BAMBI: variants seen among roughly 807,000 people sequenced by gnomAD.
BAMBI encodes the protein BMP and activin membrane-bound inhibitor homolog.
In BAMBI, 21 loss-of-function variants were observed where a neutral mutation model predicts 24.1. The ratio of observed to expected loss-of-function variants is 0.87; its 90% CI spans 0.62 to 1.26. BAMBI has a LOEUF of 1.26. BAMBI is among the 50% of genes most tolerant of loss of function. The pLI is 0.00. For missense variants in BAMBI, 388 were observed against 329.1 expected (o/e 1.18, Z -1.38); for synonymous variants, 156 against 123.1 (o/e 1.27, Z -1.77).
intron 1 of BAMBI, among the ~76,000 whole-genome samples, chr10:28,678,771 G>A (rs1281492681): frequency 6.6e-6 from 1 of 150,736 alleles, no homozygotes; most frequent in Non-Finnish European, 1.5e-5. Context: ...GGAGGAGTAG[G>A]CTCTGTCAGC....
Position 28,682,083 on chromosome 10 carries a change from T to G in BAMBI, c.465T>G (p.Ile155Met), listed in dbSNP as rs1204543192. Residue 155 changes from isoleucine (I) to methionine (M), a missense_variant, in exon 3 of 3, where the codon ATT (isoleucine) becomes ATG (methionine). Physicochemically the swap from Ile to Met is conservative, Grantham distance 10 (BLOSUM62 1). Coordinates refer to ENST00000375533, the MANE Select transcript of BAMBI (RefSeq NM_012342.3). ...SKELWFRAAV[I>M]AVPIAGGLIL... Reference sequence around the variant, plus strand: ...AGTTGTGGTTCCGGGCAGCGGTCATTGCCGTGCCCATTGCTGGAGGGCTGA... The same window carrying G: ...AGTTGTGGTTCCGGGCAGCGGTCATGGCCGTGCCCATTGCTGGAGGGCTGA... 3 of 1,614,010 alleles carry G rather than the reference T, an allele frequency of 1.9e-6. No homozygotes were observed. Among genetic ancestry groups the G allele is most frequent in the South Asian group, 1.1e-5 (1 of 91,080 alleles).
intron 1 of BAMBI, 82 bp downstream of exon 1, chr10:28,678,055 G>C (rs1180230835): frequency 1.6e-6 from 2 of 1,269,950 alleles, no homozygotes; most frequent in Non-Finnish European, 2.1e-6. Flanking sequence ...TTTGTTAGCG[G>C]CAGGCGAGGC....
At chr10:28,681,595 G>A (rs1475237284) in intron 2 of BAMBI, 50 bp downstream of exon 2, 1 of 1,578,938 alleles carries the variant, frequency 6.3e-7, no homozygotes, top group South Asian at 1.1e-5. Context: ...CTATAGACTT[G>A]TGACAGCCAC....
Position 28,677,635 on chromosome 10 carries a change from C to A in BAMBI, c.-263C>A. On this transcript the variant is annotated 5_prime_UTR_variant, in exon 1 of 3. Transcript: ENST00000375533. ...GAAGGCCGGGAGCCCACTCCCGACCCGGGGCTAGCGTGCGTCCCTAGAGTC... is the reference window on the plus strand; with the variant it reads ...GAAGGCCGGGAGCCCACTCCCGACCAGGGGCTAGCGTGCGTCCCTAGAGTC... 4.2e-6 allele frequency: 1 copy of A among 236,756 alleles called. No homozygotes were observed. 14.7% of individuals were successfully genotyped at this position (236,756 alleles called of 1,614,324 possible). A position where few individuals can be genotyped will look rare whatever the true frequency, so the allele number is the denominator to read the frequency against.
In BAMBI at chr10:28,682,271, C is replaced by CGGTCAGTGGG; in HGVS notation, c.654_663dup (p.His222GlyfsTer12). The CGGTCAGTGGG allele has an allele frequency of 6.2e-7, 1 of 1,614,080 alleles. No homozygotes were observed. Among genetic ancestry groups the CGGTCAGTGGG allele is most frequent in the Non-Finnish European group, 8.5e-7 (1 of 1,180,034 alleles). Reference sequence around the variant, plus strand: ...AAGTTAGACTTGGAATGCATGGTGCCGGTCAGTGGGCACGAGAACTGCTGT... The same window carrying CGGTCAGTGGG: ...AAGTTAGACTTGGAATGCATGGTGCCGGTCAGTGGGGGTCAGTGGGCACGAGAACTGCTGT... On this transcript the variant is annotated frameshift_variant, in exon 3 of 3. Coordinates refer to ENST00000375533, the MANE Select transcript of BAMBI (RefSeq NM_012342.3). LOFTEE classifies it high-confidence loss of function.
chr10:28,682,323 A>G lies in BAMBI; in HGVS notation c.705A>G (p.Ala235=), dbSNP rs752372665. Residue 235 remains alanine, a synonymous_variant, in exon 3 of 3, where the codon GCA becomes GCG. Transcript: ENST00000375533. ...CCLTCDKMRQ[A]DLSNDKILSL... Reference sequence around the variant, plus strand: ...TGACCTGTGATAAAATGAGACAAGCAGACCTCAGCAACGATAAGATCCTCT... The same window carrying G: ...TGACCTGTGATAAAATGAGACAAGCGGACCTCAGCAACGATAAGATCCTCT... The G allele has an allele frequency of 1.2e-6, 2 of 1,614,058 alleles. No individual in the cohort carries two copies. The highest frequency in any genetic ancestry group is 8.5e-7 in the Non-Finnish European group (1 of 1,180,010).
At chr10:28,679,853 A>C (rs753016819) in intron 1 of BAMBI, among the ~76,000 whole-genome samples, 2 of 151,228 alleles carry the variant, frequency 1.3e-5, no homozygotes, top group African/African-American at 2.5e-5. Context: ...TCTGCAAAGC[A>C]AGGTTCTTAC....
At position 28,681,459 on chromosome 10, in the gene BAMBI, T is replaced by C. The variant is rs756269499; in HGVS notation, c.278T>C (p.Ile93Thr). 17 of 1,614,174 alleles carry C rather than the reference T, an allele frequency of 1.1e-5. No homozygotes were observed. Among genetic ancestry groups the C allele is most frequent in the Non-Finnish European group, 5.1e-6 (6 of 1,180,028 alleles). Residue 93 changes from isoleucine (I) to threonine (T), a missense_variant, in exon 2 of 3, where the codon ATA becomes ACA. Coordinates refer to ENST00000375533, the MANE Select transcript of BAMBI (RefSeq NM_012342.3). ...KQARNHSGTT[I>T]PTLECCHEDM... Reference sequence around the variant, plus strand: ...GCCCGAAACCACTCTGGCACCACCATACCCACATTGGAATGCTGTCATGAA... The same window carrying C: ...GCCCGAAACCACTCTGGCACCACCACACCCACATTGGAATGCTGTCATGAA...
At chr10:28,680,138 GTTTAA>G (rs1834482277) in intron 1 of BAMBI, among the ~76,000 whole-genome samples, 1 of 152,156 alleles carries the variant, frequency 6.6e-6, no homozygotes, top group Non-Finnish European at 1.5e-5. Flanking sequence ...AGATCCCGGT[GTTTAA>G]TTTCAGAGTG....
At chr10:28,681,185 T>A in intron 1 of BAMBI, 73 bp from the exon 2 acceptor site, 1 of 1,495,408 alleles carries the variant, frequency 6.7e-7, no homozygotes, top group Non-Finnish European at 9.0e-7. Context: ...AATTTGGGAT[T>A]TAGCAGTTGC....
rs749246058 is a variant in BAMBI, at chr10:28,682,342, A to T, written c.724A>T (p.Ile242Phe). ...ACAAGCAGACCTCAGCAACGATAAG[A>T]TCCTCTCGCTTGTTCACTGGGGCAT... is the stretch of plus-strand genomic sequence containing the variant. The part of the protein sequence containing the change: ...MRQADLSNDK[I>F]LSLVHWGMYS... The change falls in exon 3 of 3, where the codon ATC becomes TTC. Residue 242 changes from isoleucine (I) to phenylalanine (F), a missense_variant. Coordinates refer to ENST00000375533, the MANE Select transcript of BAMBI (RefSeq NM_012342.3). 9.3e-6 allele frequency: 15 copies of T among 1,614,076 alleles called. No individual in the cohort carries two copies. The South Asian group carries it at 1.3e-4, about 14-fold the overall frequency.
At position 28,682,609 on chromosome 10, in the gene BAMBI, A is replaced by G. The variant is rs1222531152; in HGVS notation, c.*208A>G. On this transcript the variant is annotated 3_prime_UTR_variant, in exon 3 of 3. Coordinates refer to ENST00000375533, the MANE Select transcript of BAMBI (RefSeq NM_012342.3). ...ATGTGTTATTTGCTTTTAAAATTAT[A>G]AAAAGCAAAGAGAAGACTTTGTACA... 7 of 526,796 alleles carry G rather than the reference A, an allele frequency of 1.3e-5. No individual in the cohort carries two copies. The highest frequency in any genetic ancestry group is 2.3e-5 in the Non-Finnish European group (7 of 307,902). The allele number at this position is 526,796 out of a possible 1,614,324, so 32.6% of individuals were successfully genotyped here.
chr10:28,681,915 TTGA>T, intron 2 of BAMBI, 65 bp from the exon 3 acceptor site: 1 of 1,384,118 alleles, frequency 7.2e-7, no homozygotes, highest in South Asian at 1.4e-5. Flanking sequence ...TTAAAATGAA[TTGA>T]TGATTATGAA....
At chr10:28,680,994 C>A (rs1308187135) in intron 1 of BAMBI, among the ~76,000 whole-genome samples, 1 of 152,160 alleles carries the variant, frequency 6.6e-6, no homozygotes, top group Non-Finnish European at 1.5e-5. Flanking sequence ...CTATTTCCTT[C>A]AAAAAGCAAA....
chr10:28,677,732 G>A lies in BAMBI; in HGVS notation c.-166G>A. 1 of 333,994 alleles carries A rather than the reference G, an allele frequency of 3.0e-6. No individual in the cohort carries two copies. Among genetic ancestry groups the A allele is most frequent in the Non-Finnish European group, 5.1e-6 (1 of 195,134 alleles). The allele number at this position is 333,994 out of a possible 1,614,324, so 20.7% of individuals were successfully genotyped here. A position where few individuals can be genotyped will look rare whatever the true frequency, so the allele number is the denominator to read the frequency against. On this transcript the variant is annotated 5_prime_UTR_variant, in exon 1 of 3. Transcript: ENST00000375533. ...TTTTCTGGGCTCCTGGGCGCGCCCT[G>A]TAGCCGCGCTCCATGCTCCGGCAGC...
chr10:28,681,989 G>A lies in BAMBI; in HGVS notation c.371G>A (p.Gly124Glu), dbSNP rs1268892924. 3 of 1,610,706 alleles carry A rather than the reference G, an allele frequency of 1.9e-6. No homozygotes were observed. The highest frequency in any genetic ancestry group is 2.5e-6 in the Non-Finnish European group (3 of 1,177,278). ...TTTCTTTGTACTCCTTTAGGACAAG[G>A]AAACAGGTATCAGCATGATGGTAGC... ...SPPRGEASGQ[G>E]NRYQHDGSRN... The change falls in exon 3 of 3, where the codon GGA becomes GAA. Residue 124 changes from glycine to glutamate, a missense_variant. Gly to Glu is a moderately conservative substitution (Grantham distance 98, BLOSUM62 -2). Coordinates refer to ENST00000375533, the MANE Select transcript of BAMBI (RefSeq NM_012342.3).
chr10:28,680,798 A>G (rs1306887909), intron 1 of BAMBI, among the ~76,000 whole-genome samples: 2 of 152,180 alleles, frequency 1.3e-5, no homozygotes, highest in African/African-American at 4.8e-5. Context: ...TAACTTTATA[A>G]GGTGTTAGCT....
intron 1 of BAMBI, among the ~76,000 whole-genome samples, chr10:28,679,989 TAGC>T (rs1834480891): frequency 6.6e-6 from 1 of 152,178 alleles, no homozygotes; most frequent in Non-Finnish European, 1.5e-5. Context: ...ACCGAAGCAT[TAGC>T]AGCGTCCGGT....
chr10:28,681,629 TTTG>T, intron 2 of BAMBI, 84 bp downstream of exon 2: 1 of 1,444,546 alleles, frequency 6.9e-7, no homozygotes, highest in Non-Finnish European at 9.5e-7. Flanking sequence ...TGCTATTGAT[TTTG>T]TTGTTAATGT....
Sources: gnomAD v4.1 joint callset for allele counts (sites outside exome capture counted in the v4.1 genomes callset) on GRCh38, gnomAD v4.1.1 for gene constraint, MANE v1.5 for transcripts, NCBI Gene and HGNC (gene_info 2026-07-23, HGNC 2026-07-21) for gene names.